TEX28: variants seen among roughly 807,000 people sequenced by gnomAD.
TEX28 encodes the protein testis expressed 28, also known as testis-specific protein TEX28.
upstream of TEX28, among the ~76,000 whole-genome samples, chrX:154,294,718 G>A (rs941040748): frequency 9.1e-6 from 1 of 109,950 alleles, no homozygotes; most frequent in Admixed American, 9.6e-5. Context: ...CAGGAGAATC[G>A]CTTGAAGCCA....
chrX:154,294,110 G>T (rs2067199828), upstream of TEX28, among the ~76,000 whole-genome samples: 1 of 93,050 alleles, frequency 1.1e-5, no homozygotes, highest in Admixed American at 1.2e-4. Context: ...TGCTCTTGTT[G>T]CCCAGGCTGG....
chrX:154,293,346 AAAAG>A (rs1290088517), upstream of TEX28, among the ~76,000 whole-genome samples: 16 of 89,944 alleles, frequency 1.8e-4, no homozygotes, highest in Admixed American at 4.6e-4. Context: ...ACAAAAACAA[AAAAG>A]AAAGAAAGAA....
At chrX:154,293,318 GGGAC>G (rs1165240820), upstream of TEX28, among the ~76,000 whole-genome samples, 7 of 80,756 alleles carry the variant, frequency 8.7e-5, 1 homozygote, top group African/African-American at 4.7e-4. Flanking sequence ...AGAAAAAAAT[GGGAC>G]TTGATTAATC....
chrX:154,294,772 C>T (rs1158071010), upstream of TEX28, among the ~76,000 whole-genome samples: 1 of 109,104 alleles, frequency 9.2e-6, no homozygotes, highest in Admixed American at 9.7e-5. Context: ...CACTGCACTC[C>T]AGCTTGGGCG....
upstream of TEX28, chrX:154,294,915 T>C (rs1460450926): frequency 8.9e-6 from 1 of 112,415 alleles, no homozygotes; most frequent in Non-Finnish European, 1.9e-5. Flanking sequence ...CACGTAGAAA[T>C]TCGGCATTTT....
At chrX:154,294,417 A>G (rs1272359823), upstream of TEX28, among the ~76,000 whole-genome samples, 4 of 104,219 alleles carry the variant, frequency 3.8e-5, no homozygotes, top group African/African-American at 1.4e-4. Context: ...CCCAGGCTGG[A>G]GTACAGTGGC....
chrX:154,294,789 C>G (rs781825279), upstream of TEX28, among the ~76,000 whole-genome samples: 1 of 107,854 alleles, frequency 9.3e-6, no homozygotes, highest in African/African-American at 3.4e-5. Context: ...GGCGACAGGG[C>G]GAGACTCCGT....
upstream of TEX28, among the ~76,000 whole-genome samples, chrX:154,294,348 C>T (rs1273566748): frequency 7.0e-5 from 7 of 100,190 alleles, no homozygotes; most frequent in East Asian, 1.6e-3. Flanking sequence ...ATTACAGGAG[C>T]GTGTGCCACT....
At chrX:154,294,968 G>C (rs1557163654), upstream of TEX28, 1 of 112,291 alleles carries the variant, frequency 8.9e-6, no homozygotes, top group African/African-American at 3.2e-5. Flanking sequence ...GTCTGGACTT[G>C]GGCACGGCGC....
At chrX:154,294,393 G>A (rs1190483379), upstream of TEX28, among the ~76,000 whole-genome samples, 1 of 101,806 alleles carries the variant, frequency 9.8e-6, no homozygotes, top group Non-Finnish European at 2.0e-5. Context: ...TTTAGACGGA[G>A]TCTTGCTCTG....
At chrX:154,294,628 C>T (rs190699014), upstream of TEX28, among the ~76,000 whole-genome samples, 1,000 of 109,141 alleles carry the variant, frequency 9.2e-3, 6 homozygotes, top group African/African-American at 0.031. Flanking sequence ...ATGGTGAAAA[C>T]CCGTCTCTAC....
upstream of TEX28, among the ~76,000 whole-genome samples, chrX:154,294,389 C>T (rs1476702821): frequency 1.0e-5 from 1 of 99,447 alleles, no homozygotes; most frequent in South Asian, 5.0e-4. Flanking sequence ...TTTTTTTAGA[C>T]GGAGTCTTGC....
At chrX:154,294,443 T>A (rs1557163169), upstream of TEX28, among the ~76,000 whole-genome samples, 6,495 of 107,365 alleles carry the variant, frequency 0.06, 203 homozygotes, top group Middle Eastern at 0.13. Context: ...CTCAGCTCAC[T>A]GCAACCTCCG....
upstream of TEX28, chrX:154,294,887 G>T (rs2067207383): frequency 8.9e-6 from 1 of 112,363 alleles, no homozygotes; most frequent in African/African-American, 3.2e-5. Context: ...GGCGCGACCA[G>T]GCGGCCTGAC....
At chrX:154,294,802 C>CAA (rs782269636), upstream of TEX28, among the ~76,000 whole-genome samples, 9 of 95,023 alleles carry the variant, frequency 9.5e-5, no homozygotes, top group African/African-American at 3.4e-4. Flanking sequence ...GACTCCGTCT[C>CAA]AAAAAAAAAA....
At chrX:154,291,910 C>T (rs1449168964) in intron 1 of TEX28, among the ~76,000 whole-genome samples, 196 bp downstream of exon 2, 7 of 280 alleles carry the variant, frequency 0.025, no homozygotes, top group African/African-American at 0.045. Context: ...TACAGGCGCC[C>T]GCCACCATGC....
At chrX:154,294,802 CAA>C (rs782269636), upstream of TEX28, among the ~76,000 whole-genome samples, 3 of 94,976 alleles carry the variant, frequency 3.2e-5, no homozygotes, top group Non-Finnish European at 2.1e-5. Flanking sequence ...GACTCCGTCT[CAA>C]AAAAAAAAAA....
chrX:154,293,324 TGA>T (rs2067195852), upstream of TEX28, among the ~76,000 whole-genome samples: 7 of 79,699 alleles, frequency 8.8e-5, 1 homozygote, highest in African/African-American at 4.9e-4. Context: ...AAATGGGACT[TGA>T]TTAATCAAAA....
chrX:154,294,362 C>A, upstream of TEX28, among the ~76,000 whole-genome samples: 1 of 102,160 alleles, frequency 9.8e-6, no homozygotes, highest in Middle Eastern at 5.3e-3. Flanking sequence ...TGCCACTGTG[C>A]CCAGCCACTT....
Sources: allele counts gnomAD v4.1 joint callset (sites outside exome capture counted in the v4.1 genomes callset), GRCh38; gene constraint gnomAD v4.1.1; transcripts MANE v1.5; gene names NCBI Gene and HGNC (gene_info 2026-07-23, HGNC 2026-07-21).